Variants in CDH18 observed in about 807,000 individuals in gnomAD.
The protein encoded by CDH18 is cadherin-18.
CDH18 carries 31 observed loss-of-function variants against 67.9 expected under a neutral mutation model. That is an observed-to-expected ratio of 0.46 (90% CI 0.34 to 0.62). The LOEUF (loss-of-function observed/expected upper bound fraction) is 0.62, where lower values mean the gene tolerates loss of function less well. CDH18 is among the 20% of genes least tolerant of loss of function. CDH18 has a pLI of 0.01. For missense variants in CDH18, 890 were observed against 975.5 expected, an observed-to-expected ratio of 0.91 and a Z score of 1.17; for synonymous variants, 362 against 347.2, an observed-to-expected ratio of 1.04 and a Z score of -0.48.
intron 2 of CDH18, among the ~76,000 whole-genome samples, chr5:19,914,314 A>G (rs1791506037): frequency 6.6e-6 from 1 of 152,104 alleles, no homozygotes; most frequent in Admixed American, 6.6e-5. Flanking sequence ...GCCTAAATCA[A>G]CTGTATAAAG....
intron 2 of CDH18, among the ~76,000 whole-genome samples, chr5:20,157,373 G>T (rs1191420923): frequency 6.6e-6 from 1 of 152,116 alleles, no homozygotes; most frequent in Non-Finnish European, 1.5e-5. Flanking sequence ...AATGCGAGTG[G>T]ACTATGAAGA....
At chr5:19,878,726 A>C (rs1787306420) in intron 2 of CDH18, among the ~76,000 whole-genome samples, 1 of 152,086 alleles carries the variant, frequency 6.6e-6, no homozygotes, top group Non-Finnish European at 1.5e-5. Flanking sequence ...ACAACTACAT[A>C]ATTTGTAAGT....
intron 1 of CDH18, among the ~76,000 whole-genome samples, chr5:20,359,428 A>G (rs1450154202): frequency 6.6e-6 from 1 of 152,190 alleles, no homozygotes; most frequent in African/African-American, 2.4e-5. Context: ...TTTTTACAGC[A>G]TGTTTTGCCT....
intron 2 of CDH18, among the ~76,000 whole-genome samples, chr5:19,862,601 G>A (rs1785025870): frequency 6.6e-6 from 1 of 152,134 alleles, no homozygotes; most frequent in Non-Finnish European, 1.5e-5. Context: ...TTCTTCTTGG[G>A]TAAACATACC....
intron 1 of CDH18, among the ~76,000 whole-genome samples, chr5:20,452,527 G>A (rs530264149): frequency 2.0e-5 from 3 of 152,040 alleles, no homozygotes; most frequent in Admixed American, 1.3e-4. Flanking sequence ...AATACTGCAC[G>A]TCCTGATTTA....
At chr5:19,626,404 G>T (rs1232609967) in intron 5 of CDH18, among the ~76,000 whole-genome samples, 1 of 152,178 alleles carries the variant, frequency 6.6e-6, no homozygotes, top group Non-Finnish European at 1.5e-5. Context: ...AAAGACTTTT[G>T]TGTGGGTTCC....
chr5:19,822,766 C>T (rs74804592), intron 3 of CDH18, among the ~76,000 whole-genome samples: 49 of 152,222 alleles, frequency 3.2e-4, no homozygotes, highest in African/African-American at 8.9e-4. Context: ...AATGAAGTTT[C>T]GGGCACGCAT....
rs192490885 is a variant in CDH18, at chr5:19,910,268, A to G, written c.-257+70792T>C. Among the ~76,000 whole-genome samples the G allele has an allele frequency of 1.4e-3, 214 of 152,274 alleles. 3 individuals are homozygous for G. The highest frequency in any genetic ancestry group is 4.6e-3 in the African/African-American group (190 of 41,574). Reference sequence around the variant, plus strand: ...GAACTAGAGCCCAAATTAGTCAGCAACACCACAATCATTCTTCTAACGTGT... The same window carrying G: ...GAACTAGAGCCCAAATTAGTCAGCAGCACCACAATCATTCTTCTAACGTGT... On this transcript the variant is annotated intron_variant, in intron 2 of 12. Coordinates refer to ENST00000382275, the MANE Select transcript of CDH18 (RefSeq NM_004934.5).
At chr5:19,479,666 G>A (rs1003912708) in intron 12 of CDH18, among the ~76,000 whole-genome samples, 2 of 151,970 alleles carry the variant, frequency 1.3e-5, no homozygotes, top group African/African-American at 4.8e-5. Flanking sequence ...CCATTTATCC[G>A]GAAATTTATA....
intron 1 of CDH18, among the ~76,000 whole-genome samples, chr5:20,564,295 T>TATTTATTTATTTATTTA (rs1561135712): frequency 6.6e-6 from 1 of 150,910 alleles, no homozygotes. Context: ...TTTATTTATT[T>TATTTATTTATTTATTTA]TAGATGGAGT....
chr5:20,369,662 TATC>T (rs1010519858), intron 1 of CDH18, among the ~76,000 whole-genome samples: 1 of 152,178 alleles, frequency 6.6e-6, no homozygotes, highest in Non-Finnish European at 1.5e-5. Flanking sequence ...GTTTTGAAAA[TATC>T]ATGTCCAGTG....
chr5:20,413,260 C>T (rs551081559), intron 1 of CDH18, among the ~76,000 whole-genome samples: 11 of 152,188 alleles, frequency 7.2e-5, no homozygotes, highest in South Asian at 4.1e-4. Context: ...TGAATAGTGC[C>T]GCAATAAACA....
At chr5:20,527,250 T>C (rs1756127843) in intron 1 of CDH18, among the ~76,000 whole-genome samples, 2 of 151,906 alleles carry the variant, frequency 1.3e-5, no homozygotes, top group African/African-American at 4.8e-5. Flanking sequence ...CTCTGAGAAC[T>C]ATGGGACTAT....
At chr5:19,992,471 TG>T (rs1263188666), upstream of CDH18, among the ~76,000 whole-genome samples, 441 of 148,926 alleles carry the variant, frequency 3.0e-3, 3 homozygotes, top group African/African-American at 0.01. Flanking sequence ...AAAACAACTG[TG>T]GGTAAACTGG....
intron 1 of CDH18, among the ~76,000 whole-genome samples, chr5:20,364,343 CTGTTTG>C (rs1327118865): frequency 2.6e-5 from 4 of 151,200 alleles, no homozygotes; most frequent in African/African-American, 7.3e-5. Context: ...TCTAATTAGA[CTGTTTG>C]TTTTTAAAGT....
intron 5 of CDH18, among the ~76,000 whole-genome samples, chr5:19,640,398 T>C (rs948804487): frequency 6.6e-6 from 1 of 152,140 alleles, no homozygotes; most frequent in Admixed American, 6.5e-5. Flanking sequence ...CAACTTAAAA[T>C]AGAAGATATT....
At chr5:20,005,749 A>G (rs1470431929) in intron 2 of CDH18, among the ~76,000 whole-genome samples, 1 of 152,042 alleles carries the variant, frequency 6.6e-6, no homozygotes, top group Admixed American at 6.6e-5. Flanking sequence ...ATTCATACAA[A>G]AGAATCATTA....
intron 1 of CDH18, among the ~76,000 whole-genome samples, chr5:20,560,588 G>T (rs1400001728): frequency 2.6e-5 from 4 of 151,334 alleles, no homozygotes; most frequent in African/African-American, 2.4e-5. Flanking sequence ...AATCTCAGCT[G>T]GTATCAGCTG....
intron 1 of CDH18, among the ~76,000 whole-genome samples, chr5:20,297,498 C>A (rs546708994): frequency 6.6e-6 from 1 of 151,940 alleles, no homozygotes; most frequent in African/African-American, 2.4e-5. Flanking sequence ...GCCTATGCAA[C>A]GAAAGAAACA....
Sources: allele counts gnomAD v4.1 joint callset (sites outside exome capture counted in the v4.1 genomes callset), GRCh38; gene constraint gnomAD v4.1.1; transcripts MANE v1.5; gene names NCBI Gene and HGNC (gene_info 2026-07-23, HGNC 2026-07-21).